NPAS2: variants seen among roughly 807,000 people sequenced by gnomAD.
NPAS2 encodes neuronal PAS domain-containing protein 2.
In NPAS2, 23 loss-of-function variants were observed where a neutral mutation model predicts 107.5. The ratio of observed to expected loss-of-function variants is 0.21; its 90% CI spans 0.15 to 0.30. NPAS2 has a LOEUF of 0.30. Among genes scored for constraint, NPAS2 ranks in the 10% least tolerant of loss-of-function variants. The pLI is 1.00. For synonymous variants in NPAS2, 403 were observed against 417.5 expected (o/e 0.97, Z 0.42); for missense variants, 756 against 1,043.3 (o/e 0.72, Z 3.79).
At chr2:100,900,305 A>T (rs1156283627) in intron 1 of NPAS2, among the ~76,000 whole-genome samples, 1 of 152,204 alleles carries the variant, frequency 6.6e-6, no homozygotes, top group Non-Finnish European at 1.5e-5. Context: ...CATCTTACAA[A>T]AGAAGATATC....
intron 1 of NPAS2, among the ~76,000 whole-genome samples, chr2:100,825,633 G>A (rs1676328046): frequency 6.6e-6 from 1 of 152,210 alleles, no homozygotes; most frequent in South Asian, 2.1e-4. Context: ...ACTCAACCCT[G>A]GTGAGGGTGG....
chr2:100,874,049 C>T (rs879781812), intron 1 of NPAS2, among the ~76,000 whole-genome samples: 12 of 151,754 alleles, frequency 7.9e-5, no homozygotes, highest in Non-Finnish European at 1.5e-4. Flanking sequence ...GGCGTGATCT[C>T]GGCTCACTGC....
chr2:100,927,161 C>T lies in NPAS2; in HGVS notation c.181+1867C>T, dbSNP rs147311650. Among the ~76,000 whole-genome samples, 476 of 152,124 alleles carry T rather than the reference C, an allele frequency of 3.1e-3. 2 individuals carry two copies. Among genetic ancestry groups the T allele is most frequent in the Non-Finnish European group, 4.0e-3 (269 of 67,974 alleles). Reference sequence around the variant, plus strand: ...ATGTTAGCCAGGATAGTCTCAATCTCCTGACCTCGTGATTCACCCGCCCCG... The same window carrying T: ...ATGTTAGCCAGGATAGTCTCAATCTTCTGACCTCGTGATTCACCCGCCCCG... On this transcript the variant is annotated intron_variant, in intron 3 of 20. Transcript: ENST00000335681.
At chr2:100,975,242 G>A (rs1399514919) in intron 13 of NPAS2, 2 of 591,330 alleles carry the variant, frequency 3.4e-6, no homozygotes, top group Non-Finnish European at 6.0e-6. Flanking sequence ...ATTGGACCAA[G>A]CAGCCGAAAT....
chr2:100,838,869 T>C (rs1239349864), intron 1 of NPAS2, among the ~76,000 whole-genome samples: 1 of 152,110 alleles, frequency 6.6e-6, no homozygotes. Flanking sequence ...AGAGAAGAGA[T>C]TAAATTTTAG....
At chr2:100,972,003 G>A (rs1234143831) in intron 12 of NPAS2, among the ~76,000 whole-genome samples, 7 of 149,850 alleles carry the variant, frequency 4.7e-5, no homozygotes, top group Non-Finnish European at 7.4e-5. Context: ...GTGCAGTGGT[G>A]CAATCTCGAT....
At chr2:100,878,501 A>C (rs1330436923) in intron 1 of NPAS2, 6 of 985,340 alleles carry the variant, frequency 6.1e-6, no homozygotes. Context: ...AAGAAAAGGC[A>C]TGGAGAGATT....
At chr2:100,991,247 C>G (rs567851023) in intron 19 of NPAS2, among the ~76,000 whole-genome samples, 1 of 152,254 alleles carries the variant, frequency 6.6e-6, no homozygotes, top group African/African-American at 2.4e-5. Context: ...CTTGGTGCTC[C>G]GTGCTTCTGG....
Position 100,995,842 on chromosome 2 carries a change from C to A in NPAS2, c.*260C>A, listed in dbSNP as rs758377330. ...CCATACTGGACAGGAACCAGGTGCC[C>A]CGTGTAGGCATCGTCGGTCGGTTTG... is the stretch of plus-strand genomic sequence containing the variant. On this transcript the variant is annotated 3_prime_UTR_variant, in exon 21 of 21. Transcript: ENST00000335681. 2.0e-6 allele frequency: 3 copies of A among 1,531,492 alleles called. No individual in the cohort carries two copies. In the African/African-American group the frequency reaches 4.1e-5, roughly 21 times the overall value. The allele number at this position is 1,531,492 out of a possible 1,614,324, so 94.9% of individuals were successfully genotyped here. A position where few individuals can be genotyped will look rare whatever the true frequency, so the allele number is the denominator to read the frequency against.
intron 15 of NPAS2, among the ~76,000 whole-genome samples, chr2:100,981,388 A>G (rs1233707014): frequency 6.6e-6 from 1 of 152,238 alleles, no homozygotes; most frequent in Non-Finnish European, 1.5e-5. Context: ...AAGAGCCCAG[A>G]GCAGGGGCTG....
chr2:100,878,418 C>T (rs1385863221), intron 1 of NPAS2: 2 of 985,244 alleles, frequency 2.0e-6, no homozygotes, highest in African/African-American at 1.7e-5. Flanking sequence ...CTCTTTCCAG[C>T]GTTGGACAAG....
At chr2:100,916,341 TA>T (rs1682880152) in intron 2 of NPAS2, among the ~76,000 whole-genome samples, 1 of 152,116 alleles carries the variant, frequency 6.6e-6, no homozygotes. Context: ...TACCTAAATA[TA>T]TGCTGTCTAC....
intron 4 of NPAS2, among the ~76,000 whole-genome samples, chr2:100,936,550 C>G (rs955573948): frequency 6.6e-6 from 1 of 152,192 alleles, no homozygotes; most frequent in African/African-American, 2.4e-5. Context: ...CTGGCACACC[C>G]TAGACAGCCA....
In NPAS2 at chr2:100,961,034, T is replaced by C. The variant is rs116451193; in HGVS notation, c.599-3024T>C. Reference sequence around the variant, plus strand: ...CAAGAATGAGTTGCTTTTCTCTATATTGTGAGTGGTCAGAGATCTGAGCAA... The same window carrying C: ...CAAGAATGAGTTGCTTTTCTCTATACTGTGAGTGGTCAGAGATCTGAGCAA... On this transcript the variant is annotated intron_variant, in intron 7 of 20. Coordinates refer to ENST00000335681, the MANE Select transcript of NPAS2 (RefSeq NM_002518.4). Among the ~76,000 whole-genome samples the C allele has an allele frequency of 4.7e-3, 715 of 152,240 alleles. 11 individuals carry two copies. Among genetic ancestry groups the C allele is most frequent in the African/African-American group, 0.017 (690 of 41,548 alleles).
rs563488243 is a variant in NPAS2 at position 100,972,346 on chromosome 2, A to T, written c.1140+1272A>T. ...CGGAAGGACACGTCTTAATTTCAGA[A>T]GTGTTCAAATGTGAGTGCTGGAGAG... On this transcript the variant is annotated intron_variant, in intron 12 of 20. Coordinates refer to ENST00000335681, the MANE Select transcript of NPAS2 (RefSeq NM_002518.4). 1.1e-4 allele frequency among the ~76,000 whole-genome samples: 16 copies of T among 152,334 alleles called. No individual in the cohort carries two copies. The South Asian group carries it at 3.1e-3, about 30-fold the overall frequency.
chr2:100,836,577 T>A (rs1202843391), intron 1 of NPAS2, among the ~76,000 whole-genome samples: 1 of 152,172 alleles, frequency 6.6e-6, no homozygotes, highest in Non-Finnish European at 1.5e-5. Flanking sequence ...AACCATGGAA[T>A]AACAGGGTCA....
intron 16 of NPAS2, chr2:100,983,197 A>G: frequency 6.6e-6 from 1 of 152,274 alleles, no homozygotes; most frequent in East Asian, 1.9e-4. Context: ...AAAGAAGCAG[A>G]AATAACATCT....
chr2:100,921,835 C>A (rs1683246543), intron 2 of NPAS2, among the ~76,000 whole-genome samples: 1 of 151,148 alleles, frequency 6.6e-6, no homozygotes, highest in African/African-American at 2.4e-5. Context: ...TGTATTCACC[C>A]AAGAGAAATG....
At chr2:100,937,623 G>C (rs1684410291) in intron 4 of NPAS2, 130 bp from the exon 5 acceptor site, 38 of 738,152 alleles carry the variant, frequency 5.1e-5, no homozygotes, top group South Asian at 4.8e-4. Context: ...AGTGCCGTGA[G>C]GTTATTCATG....
Sources: gnomAD v4.1 joint callset for allele counts (sites outside exome capture counted in the v4.1 genomes callset) on GRCh38, gnomAD v4.1.1 for gene constraint, MANE v1.5 for transcripts, NCBI Gene and HGNC (gene_info 2026-07-23, HGNC 2026-07-21) for gene names.